The following YPEL2 variants were observed in gnomAD, a reference collection of about 807,000 sequenced individuals.
YPEL2 encodes the protein yippee like 2.
A neutral mutation model predicts 19.1 loss-of-function variants in YPEL2; 2 were observed. The observed-to-expected ratio is 0.10, with a 90% confidence interval of 0.04 to 0.33. YPEL2 has a LOEUF of 0.33. YPEL2 is among the 10% of genes least tolerant of loss of function. The pLI, the probability that YPEL2 is intolerant of heterozygous loss-of-function variation, is 1.00. For synonymous variants in YPEL2, 52 were observed against 50.0 expected, an observed-to-expected ratio of 1.04 and a Z score of -0.17; for missense variants, 66 against 140.7, an observed-to-expected ratio of 0.47 and a Z score of 2.68.
rs536541298 is a variant in YPEL2, at chr17:59,380,119, CAAAGTGCTGGGA to C, written c.118-8195_118-8184del. On this transcript the variant is annotated intron_variant, in intron 2 of 4. Coordinates refer to ENST00000312655, the MANE Select transcript of YPEL2 (RefSeq NM_001005404.4). ...CAAGTGATCACCTGCCTCAGGCTCC[CAAAGTGCTGGGA>C]AAAGTGCTGGGATTACAGGCTTCAG... Among the ~76,000 whole-genome samples the C allele has an allele frequency of 2.4e-3, 366 of 151,752 alleles. 1 individual carries two copies. Among genetic ancestry groups the C allele is most frequent in the Non-Finnish European group, 3.8e-3 (257 of 67,908 alleles).
chr17:59,394,682 G>T (rs1454776251), intron 4 of YPEL2, among the ~76,000 whole-genome samples: 1 of 152,112 alleles, frequency 6.6e-6, no homozygotes, highest in African/African-American at 2.4e-5. Flanking sequence ...CTTCCCAGAC[G>T]GGGTGGCGGC....
At position 59,380,163 on chromosome 17, in the gene YPEL2, C is replaced by T. The variant is rs145204745; in HGVS notation, c.118-8164C>T. ...CTGGGATTACAGGCTTCAGCCACCA[C>T]GCTCAGCCTAATGAGTTTTGTTTAA... is the stretch of plus-strand genomic sequence containing the variant. On this transcript the variant is annotated intron_variant, in intron 2 of 4. Coordinates refer to ENST00000312655, the MANE Select transcript of YPEL2 (RefSeq NM_001005404.4). Among the ~76,000 whole-genome samples the T allele has an allele frequency of 2.7e-4, 41 of 151,978 alleles. 1 individual carries two copies. Among genetic ancestry groups the T allele is most frequent in the Admixed American group, 1.8e-3 (27 of 15,256 alleles).
At chr17:59,369,209 A>G (rs2047885056) in intron 2 of YPEL2, among the ~76,000 whole-genome samples, 1 of 152,242 alleles carries the variant, frequency 6.6e-6, no homozygotes, top group African/African-American at 2.4e-5. Context: ...GCAGAATTCC[A>G]GTGGCTTTGG....
intron 2 of YPEL2, chr17:59,354,018 CCTT>C (rs1567738258): frequency 4.2e-6 from 1 of 235,998 alleles, no homozygotes; most frequent in East Asian, 1.1e-4. Flanking sequence ...GAAGAGCTGA[CCTT>C]CTGGCCTGTG....
At chr17:59,340,839 C>T (rs968477740) in intron 1 of YPEL2, among the ~76,000 whole-genome samples, 1 of 151,610 alleles carries the variant, frequency 6.6e-6, no homozygotes, top group Non-Finnish European at 1.5e-5. Flanking sequence ...CTCACCCTCC[C>T]AAGTAGCTGG....
At chr17:59,389,578 G>C (rs556987017) in intron 4 of YPEL2, 110 bp downstream of exon 4, 6 of 782,836 alleles carry the variant, frequency 7.7e-6, no homozygotes, top group African/African-American at 1.7e-5. Context: ...GATTGTCTTA[G>C]ACCAGAATAG....
In YPEL2 at chr17:59,399,726, T is replaced by C. The variant is rs976584493; in HGVS notation, c.*2536T>C. On this transcript the variant is annotated 3_prime_UTR_variant, in exon 5 of 5. Coordinates refer to ENST00000312655, the MANE Select transcript of YPEL2 (RefSeq NM_001005404.4). ...CTGTTCATGGGTTGTCTATCTAACA[T>C]TGAGCAGCATTGGAGAGGCCACAGC... 1 of 152,668 alleles carries C rather than the reference T, an allele frequency of 6.6e-6. No individual in the cohort carries two copies. Among genetic ancestry groups the C allele is most frequent in the African/African-American group, 2.4e-5 (1 of 41,458 alleles). The allele number at this position is 152,668 out of a possible 1,614,324, so 9.5% of individuals were successfully genotyped here.
chr17:59,393,791 G>A (rs2048021548), intron 4 of YPEL2, among the ~76,000 whole-genome samples: 1 of 150,326 alleles, frequency 6.7e-6, no homozygotes, highest in South Asian at 2.1e-4. Flanking sequence ...TTAACCCTGA[G>A]TGGACACAGC....
intron 1 of YPEL2, among the ~76,000 whole-genome samples, chr17:59,334,934 G>A (rs1478002253): frequency 6.6e-6 from 1 of 152,220 alleles, no homozygotes; most frequent in Non-Finnish European, 1.5e-5. Flanking sequence ...CCAGAAGGAA[G>A]AGATGTTGAA....
chr17:59,356,231 A>G (rs2047812050), intron 2 of YPEL2: 1 of 151,842 alleles, frequency 6.6e-6, no homozygotes, highest in Non-Finnish European at 1.5e-5. Flanking sequence ...GAGCTGGATC[A>G]GCAGTGTAAT....
intron 2 of YPEL2, among the ~76,000 whole-genome samples, chr17:59,387,576 CG>C (rs1358241276): frequency 6.6e-6 from 1 of 152,100 alleles, no homozygotes; most frequent in African/African-American, 2.4e-5. Context: ...GGACAGGGCC[CG>C]TGTTAATGGA....
intron 2 of YPEL2, among the ~76,000 whole-genome samples, chr17:59,370,288 C>A (rs2047890498): frequency 6.6e-6 from 1 of 152,200 alleles, no homozygotes; most frequent in Non-Finnish European, 1.5e-5. Context: ...TGGTCTTGAT[C>A]TCCTGACCTC....
intron 3 of YPEL2, chr17:59,388,968 C>A (rs759450066): frequency 4.5e-5 from 12 of 269,408 alleles, no homozygotes; most frequent in Non-Finnish European, 8.0e-5. Context: ...CCACACTGTG[C>A]TATCATGTGT....
At position 59,399,531 on chromosome 17, in the gene YPEL2, T is replaced by G. The variant is rs1409364016; in HGVS notation, c.*2341T>G. On this transcript the variant is annotated 3_prime_UTR_variant, in exon 5 of 5. Coordinates refer to ENST00000312655, the MANE Select transcript of YPEL2 (RefSeq NM_001005404.4). ...TCCAGTCAGACCCTGGTTCTGAATG[T>G]TTTTTTTTTCGGTGACTATCCAGTG... 5 of 149,332 alleles carry G rather than the reference T, an allele frequency of 3.3e-5. No individual in the cohort carries two copies. The highest frequency in any genetic ancestry group is 1.2e-4 in the African/African-American group (5 of 40,664). 9.3% of individuals were successfully genotyped at this position (149,332 alleles called of 1,614,324 possible). A position where few individuals can be genotyped will look rare whatever the true frequency, so the allele number is the denominator to read the frequency against.
intron 2 of YPEL2, among the ~76,000 whole-genome samples, chr17:59,368,027 A>G (rs947455276): frequency 6.6e-6 from 1 of 152,170 alleles, no homozygotes; most frequent in African/African-American, 2.4e-5. Flanking sequence ...CATATATTAA[A>G]TCCTACTGTA....
intron 2 of YPEL2, among the ~76,000 whole-genome samples, chr17:59,366,620 C>T (rs1434439350): frequency 1.3e-5 from 2 of 152,188 alleles, no homozygotes; most frequent in Non-Finnish European, 2.9e-5. Flanking sequence ...CCTCTCCCCA[C>T]TGGGTGGGGG....
intron 2 of YPEL2, among the ~76,000 whole-genome samples, chr17:59,377,570 C>T (rs1203492153): frequency 6.6e-6 from 1 of 152,240 alleles, no homozygotes; most frequent in South Asian, 2.1e-4. Flanking sequence ...CACTCCCTCT[C>T]TGCAGGATGC....
Position 59,353,356 on chromosome 17 carries a change from T to C in YPEL2, c.-54T>C. The C allele has an allele frequency of 7.4e-7, 1 of 1,349,352 alleles. No individual in the cohort carries two copies. Among genetic ancestry groups the C allele is most frequent in the Non-Finnish European group, 1.0e-6 (1 of 972,144 alleles). 83.6% of individuals were successfully genotyped at this position (1,349,352 alleles called of 1,614,324 possible). ...CCGGTGTTTCCCGTGCGACCCATCC[T>C]GTGGGAGTGCCTCGTGGGCTGCCCC... On this transcript the variant is annotated 5_prime_UTR_variant, in exon 2 of 5. Coordinates refer to ENST00000312655, the MANE Select transcript of YPEL2 (RefSeq NM_001005404.4). The surrounding 1 kb of genome is among the most constrained non-coding windows in gnomAD (Gnocchi z 4.8).
rs2048050802 is a variant in YPEL2, at chr17:59,398,180, AGT to A, written c.*994_*995del. 1.3e-5 allele frequency: 2 copies of A among 152,038 alleles called. No individual in the cohort carries two copies. The highest frequency in any genetic ancestry group is 6.5e-5 in the Admixed American group (1 of 15,274). The allele number at this position is 152,038 out of a possible 1,614,324, so 9.4% of individuals were successfully genotyped here. A position where few individuals can be genotyped will look rare whatever the true frequency, so the allele number is the denominator to read the frequency against. ...CTTCCTTCTGACCCCTCATAAGAGG[AGT>A]GTGGTGAGGGAGGGGACTGGGTAGG... On this transcript the variant is annotated 3_prime_UTR_variant, in exon 5 of 5. Transcript: ENST00000312655.
Sources: gnomAD v4.1 joint callset for allele counts (sites outside exome capture counted in the v4.1 genomes callset) on GRCh38, gnomAD v4.1.1 for gene constraint, Gnocchi (gnomAD v3.1) non-coding constraint, MANE v1.5 for transcripts, NCBI Gene and HGNC (gene_info 2026-07-23, HGNC 2026-07-21) for gene names.